The following DPP8 variants were observed in gnomAD, a reference collection of about 807,000 sequenced individuals.
The protein encoded by DPP8 is DPP VIII.
In DPP8, 31 loss-of-function variants were observed where a neutral mutation model predicts 107.5. The ratio of observed to expected loss-of-function variants is 0.29; its 90% CI spans 0.22 to 0.39. The LOEUF is 0.39. DPP8 is among the 10% of genes least tolerant of loss of function. The probability of loss-of-function intolerance (pLI) is 1.00; values close to 1 mark genes in which losing one functional copy is unlikely to be tolerated. For synonymous variants in DPP8, 381 were observed against 356.6 expected, an observed-to-expected ratio of 1.07 and a Z score of -0.77; for missense variants, 842 against 1,076.1, an observed-to-expected ratio of 0.78 and a Z score of 3.04.
chr15:65,498,534 G>A (rs913442754), intron 4 of DPP8, among the ~76,000 whole-genome samples: 1 of 151,922 alleles, frequency 6.6e-6, no homozygotes, highest in South Asian at 2.1e-4. Flanking sequence ...AAAGCTAAGG[G>A]TAACAGGAGA....
rs749827941 is a variant in DPP8 at position 65,446,179 on chromosome 15, T to C, written c.*705A>G. 3.3e-5 allele frequency: 5 copies of C among 152,064 alleles called. No individual in the cohort carries two copies. Among genetic ancestry groups the C allele is most frequent in the Non-Finnish European group, 7.4e-5 (5 of 68,012 alleles). The allele number at this position is 152,064 out of a possible 1,614,324, so 9.4% of individuals were successfully genotyped here. Reference sequence around the variant, plus strand: ...CATGACTAATTAAATCCATGCTACATATACAGTTACTAGCCTTTATGCAAA... The same window carrying C: ...CATGACTAATTAAATCCATGCTACACATACAGTTACTAGCCTTTATGCAAA... On this transcript the variant is annotated 3_prime_UTR_variant, in exon 20 of 20. Transcript: ENST00000300141.
chr15:65,481,220 A>T (rs920881074), intron 9 of DPP8, among the ~76,000 whole-genome samples: 1 of 152,246 alleles, frequency 6.6e-6, no homozygotes, highest in African/African-American at 2.4e-5. Context: ...TATACAATTT[A>T]AAAAATACAC....
chr15:65,501,401 C>A (rs1180232415), intron 3 of DPP8, among the ~76,000 whole-genome samples: 1 of 152,126 alleles, frequency 6.6e-6, no homozygotes, highest in East Asian at 1.9e-4. Flanking sequence ...AATTTAGTAG[C>A]CAGCATGCAA....
chr15:65,504,730 C>T (rs144138980), intron 3 of DPP8, among the ~76,000 whole-genome samples: 2 of 151,244 alleles, frequency 1.3e-5, no homozygotes, highest in East Asian at 3.9e-4. Flanking sequence ...ACCTATTATC[C>T]TAGCACTTTG....
In DPP8 at chr15:65,488,095, T is replaced by C. The variant is rs148336450; in HGVS notation, c.827-277A>G. Among the ~76,000 whole-genome samples the C allele has an allele frequency of 5.6e-4, 85 of 152,292 alleles. 2 individuals carry two copies. In the East Asian group the frequency reaches 0.013, roughly 23 times the overall value. ...TGTAGGACTTTGTTCTTGCATACCATAAAATGCATTCTTTGTTGAAAAATG... is the reference window on the plus strand; with the variant it reads ...TGTAGGACTTTGTTCTTGCATACCACAAAATGCATTCTTTGTTGAAAAATG... On this transcript the variant is annotated intron_variant, in intron 6 of 19. Transcript: ENST00000300141.
chr15:65,487,315 A>G (rs578104899), intron 7 of DPP8, among the ~76,000 whole-genome samples: 5 of 152,106 alleles, frequency 3.3e-5, no homozygotes, highest in Admixed American at 3.3e-4. Context: ...ATGCCTGGCT[A>G]ATTTTGTATT....
chr15:65,448,686 A>ATATATATAT (rs1473140344), intron 19 of DPP8, among the ~76,000 whole-genome samples: 1 of 136,494 alleles, frequency 7.3e-6, no homozygotes, highest in African/African-American at 2.8e-5. Context: ...AAAAAAAAAA[A>ATATATATAT]AAAAATATAT....
intron 17 of DPP8, among the ~76,000 whole-genome samples, chr15:65,452,533 T>C (rs1488012646): frequency 2.0e-5 from 3 of 152,130 alleles, no homozygotes; most frequent in Non-Finnish European, 2.9e-5. Flanking sequence ...GTCCTATACG[T>C]AGTTTTATAT....
At position 65,517,667 on chromosome 15, in the gene DPP8, G is replaced by C. The variant is rs2071629317; in HGVS notation, c.-193C>G. The C allele has an allele frequency of 6.6e-6, 1 of 152,370 alleles. No homozygotes were observed. Among genetic ancestry groups the C allele is most frequent in the African/African-American group, 2.4e-5 (1 of 41,478 alleles). The allele number at this position is 152,370 out of a possible 1,614,324, so 9.4% of individuals were successfully genotyped here. A position where few individuals can be genotyped will look rare whatever the true frequency, so the allele number is the denominator to read the frequency against. On this transcript the variant is annotated 5_prime_UTR_variant, in exon 1 of 20. Transcript: ENST00000300141. Reference sequence around the variant, plus strand: ...AGCGGCGGCAGTAGCAGCGGCCTTGGCCTCGGAGGCTTTAGCACTTCCGGT... The same window carrying C: ...AGCGGCGGCAGTAGCAGCGGCCTTGCCCTCGGAGGCTTTAGCACTTCCGGT...
At chr15:65,465,160 G>GTT (rs1401387102) in intron 14 of DPP8, among the ~76,000 whole-genome samples, 5 of 139,830 alleles carry the variant, frequency 3.6e-5, no homozygotes, top group East Asian at 4.2e-4. Flanking sequence ...GTACTAATTT[G>GTT]TTTTTTCTTT....
intron 15 of DPP8, among the ~76,000 whole-genome samples, chr15:65,461,606 G>GC (rs1567157933): frequency 7.0e-6 from 1 of 142,674 alleles, no homozygotes; most frequent in Non-Finnish European, 1.5e-5. Context: ...TTTCTATTAA[G>GC]CCTTTTTTTT....
intron 17 of DPP8, 39 bp downstream of exon 17, chr15:65,454,224 C>A: frequency 1.4e-6 from 2 of 1,404,876 alleles, no homozygotes; most frequent in Non-Finnish European, 1.9e-6. Flanking sequence ...GAAAAATCTA[C>A]CCTTATTGCA....
intron 17 of DPP8, among the ~76,000 whole-genome samples, chr15:65,453,745 A>C (rs187248396): frequency 6.6e-6 from 1 of 152,050 alleles, no homozygotes; most frequent in Admixed American, 6.6e-5. Flanking sequence ...ACAACAACAA[A>C]AAACAAACTT....
intron 2 of DPP8, among the ~76,000 whole-genome samples, chr15:65,508,646 A>G (rs957443078): frequency 1.3e-5 from 2 of 152,172 alleles, no homozygotes; most frequent in African/African-American, 4.8e-5. Flanking sequence ...TGAGGTCAGG[A>G]GCTCGAGACC....
At chr15:65,507,428 A>C in intron 2 of DPP8, 73 bp from the exon 3 acceptor site, 2 of 914,032 alleles carry the variant, frequency 2.2e-6, no homozygotes, top group Non-Finnish European at 1.8e-6. Context: ...TTGCAAGTAC[A>C]TAATGCCTTC....
intron 2 of DPP8, among the ~76,000 whole-genome samples, chr15:65,507,697 A>C (rs1450189400): frequency 6.6e-6 from 1 of 152,078 alleles, no homozygotes; most frequent in African/African-American, 2.4e-5. Context: ...GCTTTAAAGA[A>C]AAATGCTCAG....
At chr15:65,451,234 C>A in intron 18 of DPP8, 124 bp from the exon 19 acceptor site, 1 of 626,468 alleles carries the variant, frequency 1.6e-6, no homozygotes, top group East Asian at 2.9e-5. Context: ...AATAAGAATT[C>A]AGTATTTTCA....
At chr15:65,504,019 C>A (rs2069597304) in intron 3 of DPP8, among the ~76,000 whole-genome samples, 1 of 151,590 alleles carries the variant, frequency 6.6e-6, no homozygotes, top group African/African-American at 2.4e-5. Flanking sequence ...TCCTTGGCTT[C>A]CCAAAGTGCT....
chr15:65,514,959 T>C (rs1011949372), intron 1 of DPP8, among the ~76,000 whole-genome samples: 1 of 152,140 alleles, frequency 6.6e-6, no homozygotes, highest in Non-Finnish European at 1.5e-5. Context: ...GGGAACAGAA[T>C]AGGGAAGCTC....
Sources: gnomAD v4.1 joint callset for allele counts (sites outside exome capture counted in the v4.1 genomes callset) on GRCh38, gnomAD v4.1.1 for gene constraint, MANE v1.5 for transcripts, NCBI Gene and HGNC (gene_info 2026-07-23, HGNC 2026-07-21) for gene names.